Variants in ZC3H7A observed in about 807,000 individuals in gnomAD.
ZC3H7A encodes the protein zinc finger CCCH-type containing 7A.
A neutral mutation model predicts 125.5 loss-of-function variants in ZC3H7A; 44 were observed. The ratio of observed to expected loss-of-function variants is 0.35; its 90% CI spans 0.28 to 0.45. The LOEUF (loss-of-function observed/expected upper bound fraction) is 0.45, where lower values mean the gene tolerates loss of function less well. ZC3H7A is among the 20% of genes least tolerant of loss of function. The pLI is 1.00. For missense variants in ZC3H7A, 977 were observed against 1,170.7 expected (o/e 0.83, Z 2.41); for synonymous variants, 399 against 391.2 (o/e 1.02, Z -0.23).
At chr16:11,773,535 T>C (rs575515740) in intron 9 of ZC3H7A, among the ~76,000 whole-genome samples, 1 of 152,070 alleles carries the variant, frequency 6.6e-6, no homozygotes, top group South Asian at 2.1e-4. Flanking sequence ...TGGGCTACAG[T>C]TGGCTGAACC....
intron 1 of ZC3H7A, 52 bp downstream of exon 1, chr16:11,797,072 G>GGCGCGGGC (rs2053453133): frequency 7.0e-6 from 1 of 142,912 alleles, no homozygotes; most frequent in African/African-American, 2.7e-5. Context: ...GGGGGGCGGG[G>GGCGCGGGC]GCGCGGGCGC....
At chr16:11,782,060 G>A (rs1228174642) in intron 2 of ZC3H7A, among the ~76,000 whole-genome samples, 1 of 152,134 alleles carries the variant, frequency 6.6e-6, no homozygotes, top group Non-Finnish European at 1.5e-5. Context: ...ACGTTTTGGG[G>A]GAGACTAACA....
chr16:11,755,304 A>G (rs560369555), intron 21 of ZC3H7A, among the ~76,000 whole-genome samples: 16 of 152,302 alleles, frequency 1.1e-4, no homozygotes, highest in African/African-American at 3.8e-4. Flanking sequence ...GGAGGGGAAC[A>G]TATGGGGTTC....
intron 9 of ZC3H7A, among the ~76,000 whole-genome samples, chr16:11,772,361 TC>T (rs1478674950): frequency 3.3e-5 from 5 of 151,550 alleles, no homozygotes; most frequent in African/African-American, 1.2e-4. Context: ...AACTCTAACT[TC>T]CCCAGGCCCC....
At chr16:11,788,022 A>C (rs984235575) in intron 1 of ZC3H7A, among the ~76,000 whole-genome samples, 3 of 152,126 alleles carry the variant, frequency 2.0e-5, no homozygotes, top group Non-Finnish European at 4.4e-5. Context: ...TTTTTAAAGA[A>C]AGAAAAAGAC....
intron 9 of ZC3H7A, 92 bp from the exon 10 acceptor site, chr16:11,771,079 A>T: frequency 8.2e-7 from 1 of 1,224,456 alleles, no homozygotes; most frequent in South Asian, 1.5e-5. Flanking sequence ...AAGCATTATT[A>T]CACTGGGAGA....
chr16:11,782,412 G>A (rs2053187019), intron 1 of ZC3H7A, 24 bp from the exon 2 acceptor site: 1 of 1,601,162 alleles, frequency 6.2e-7, no homozygotes, highest in East Asian at 2.2e-5. Context: ...AGGCAAAAAA[G>A]CACATAAGGT....
intron 3 of ZC3H7A, 129 bp downstream of exon 3, chr16:11,781,296 A>T: frequency 1.3e-6 from 1 of 776,142 alleles, no homozygotes; most frequent in Non-Finnish European, 2.0e-6. Context: ...AATAAAATAA[A>T]ATAAAATAAA....
rs1467347471 is a variant in ZC3H7A, at chr16:11,775,020, A to G, written c.586-7T>C. On this transcript the variant is annotated splice_polypyrimidine_tract_variant and splice_region_variant and intron_variant, in intron 7 of 22. Coordinates refer to ENST00000355758, the MANE Select transcript of ZC3H7A (RefSeq NM_014153.4). ...CCACAGAATGGTTCAAAGCCTAGAA[A>G]TTAAACCAAACAATGGGTTATAATA... The G allele has an allele frequency of 5.0e-6, 8 of 1,614,048 alleles. No individual in the cohort carries two copies. The Admixed American group carries it at 8.3e-5, about 17-fold the overall frequency.
At chr16:11,783,465 GGCTA>G (rs1385719089) in intron 1 of ZC3H7A, among the ~76,000 whole-genome samples, 1 of 152,046 alleles carries the variant, frequency 6.6e-6, no homozygotes, top group African/African-American at 2.4e-5. Context: ...TGGCATTCTG[GGCTA>G]GCTAATTCCT....
intron 13 of ZC3H7A, among the ~76,000 whole-genome samples, chr16:11,766,398 T>C (rs1262259808): frequency 6.6e-6 from 1 of 151,954 alleles, no homozygotes; most frequent in Non-Finnish European, 1.5e-5. Context: ...AACCCATCTC[T>C]ACTAAAAAAT....
At chr16:11,781,231 T>C (rs1001571956) in intron 3 of ZC3H7A, among the ~76,000 whole-genome samples, 194 bp downstream of exon 3, 8 of 152,138 alleles carry the variant, frequency 5.3e-5, no homozygotes, top group Admixed American at 2.6e-4. Flanking sequence ...CAGCCACAGA[T>C]AATACATAAA....
intron 1 of ZC3H7A, among the ~76,000 whole-genome samples, chr16:11,785,443 C>A (rs1403506654): frequency 6.6e-6 from 1 of 150,994 alleles, no homozygotes; most frequent in Non-Finnish European, 1.5e-5. Flanking sequence ...GAGGTCAGGG[C>A]TGTAGTGAGC....
intron 3 of ZC3H7A, among the ~76,000 whole-genome samples, chr16:11,781,132 CAAA>C (rs770897410): frequency 6.6e-6 from 1 of 152,054 alleles, no homozygotes; most frequent in Non-Finnish European, 1.5e-5. Context: ...AAGGGGTTGG[CAAA>C]CTTTTTCTGC....
chr16:11,755,781 T>G (rs910970204), intron 21 of ZC3H7A, among the ~76,000 whole-genome samples: 4 of 152,040 alleles, frequency 2.6e-5, no homozygotes, highest in Non-Finnish European at 5.9e-5. Context: ...CTTAAGCTAG[T>G]GGCAGGAAAC....
At chr16:11,756,157 AT>A in intron 21 of ZC3H7A, 79 bp downstream of exon 21, 1 of 1,539,752 alleles carries the variant, frequency 6.5e-7, no homozygotes. Context: ...ACGAGACTCC[AT>A]CTCAAAAAAA....
intron 21 of ZC3H7A, among the ~76,000 whole-genome samples, chr16:11,754,749 G>A (rs1273456341): frequency 5.9e-5 from 9 of 151,624 alleles, no homozygotes; most frequent in East Asian, 3.9e-4. Context: ...AAAATTAGCC[G>A]TGCGTGGTGG....
rs150823676 is a variant in ZC3H7A at position 11,770,900 on chromosome 16, T to C, written c.991A>G (p.Ile331Val). ...GGTGGAGGAGCATACCTCGCACCAA[T>C]GGGTAAGGTTCCTAACAGCGATGCC... ...FSASLLGTLP[I>V]GARYAPPPSF... The change falls in exon 10 of 23, where the codon ATT becomes GTT. Residue 331 changes from isoleucine to valine, a missense_variant. Ile to Val is a conservative substitution (Grantham distance 29). This residue lies in a region of ZC3H7A where 342 missense variants were observed against 311.3 expected (regional missense o/e 1.10). Coordinates refer to ENST00000355758, the MANE Select transcript of ZC3H7A (RefSeq NM_014153.4). The C allele has an allele frequency of 4.8e-3, 7,693 of 1,614,094 alleles. 56 individuals carry two copies. Among genetic ancestry groups the C allele is most frequent in the Non-Finnish European group, 4.3e-3 (5,047 of 1,179,992 alleles).
At chr16:11,778,335 G>T (rs561377182) in intron 4 of ZC3H7A, among the ~76,000 whole-genome samples, 1 of 151,462 alleles carries the variant, frequency 6.6e-6, no homozygotes, top group Non-Finnish European at 1.5e-5. Flanking sequence ...TACTCGGGAG[G>T]CCGAGGCAGG....
Sources: gnomAD v4.1 joint callset for allele counts (sites outside exome capture counted in the v4.1 genomes callset) on GRCh38, gnomAD v4.1.1 for gene constraint, gnomAD v4.1.1 regional missense constraint, MANE v1.5 for transcripts, NCBI Gene and HGNC (gene_info 2026-07-23, HGNC 2026-07-21) for gene names.